TASP1: variants seen among roughly 807,000 people sequenced by gnomAD.
The protein encoded by TASP1 is threonine aspartase 1.
In TASP1, 16 loss-of-function variants were observed where a neutral mutation model predicts 56.6. The ratio of observed to expected loss-of-function variants is 0.28; its 90% CI spans 0.19 to 0.43. TASP1 has a LOEUF of 0.43. TASP1 is among the 20% of genes least tolerant of loss of function. The pLI, the probability that TASP1 is intolerant of heterozygous loss-of-function variation, is 1.00. For missense variants in TASP1, 393 were observed against 511.6 expected, an observed-to-expected ratio of 0.77 and a Z score of 2.24; for synonymous variants, 179 against 184.2, an observed-to-expected ratio of 0.97 and a Z score of 0.23.
At chr20:13,110,289 C>A in the TASP1 span, 7 of 1,250,826 alleles carry the variant, frequency 5.6e-6, no homozygotes, top group Non-Finnish European at 8.0e-6. Context: ...AAAGGCTCAC[C>A]TTTCCTAGCT....
At chr20:13,275,315 T>G in the TASP1 span, among the ~76,000 whole-genome samples, 2 of 152,204 alleles carry the variant, frequency 1.3e-5, no homozygotes, top group South Asian at 2.1e-4. Context: ...GGGTTACAGT[T>G]GTACGTGCTT....
At chr20:13,436,212 C>T (rs1170174943) in intron 11 of TASP1, among the ~76,000 whole-genome samples, 8 of 152,122 alleles carry the variant, frequency 5.3e-5, no homozygotes, top group African/African-American at 1.7e-4. Flanking sequence ...CTTCAAGATC[C>T]TCTGAAGGCA....
At chr20:13,250,186 C>T in the TASP1 span, among the ~76,000 whole-genome samples, 1 of 152,120 alleles carries the variant, frequency 6.6e-6, no homozygotes, top group South Asian at 2.1e-4. Flanking sequence ...AGCCAGGAGG[C>T]TTAGGATTTC....
the TASP1 span, among the ~76,000 whole-genome samples, chr20:13,302,811 C>T: frequency 6.6e-6 from 1 of 152,082 alleles, no homozygotes; most frequent in Admixed American, 6.5e-5. Flanking sequence ...AACAGAGATG[C>T]CCACGGCCCT....
chr20:13,225,076 C>A, the TASP1 span, among the ~76,000 whole-genome samples: 245 of 150,326 alleles, frequency 1.6e-3, 1 homozygote, highest in East Asian at 0.014. Flanking sequence ...GATGGTCTCA[C>A]TCTCCTGACC....
chr20:13,475,609 G>A (rs767453405), intron 11 of TASP1, among the ~76,000 whole-genome samples: 117 of 152,100 alleles, frequency 7.7e-4, no homozygotes, highest in Non-Finnish European at 9.4e-4. Flanking sequence ...TAAAGTCTTT[G>A]GTAGGCCAGG....
intron 11 of TASP1, among the ~76,000 whole-genome samples, chr20:13,437,613 T>C (rs1042719917): frequency 7.2e-5 from 11 of 152,184 alleles, no homozygotes; most frequent in South Asian, 2.1e-4. Context: ...GAAAACCCCA[T>C]TGTCTCAGCC....
chr20:13,224,288 T>G, the TASP1 span, among the ~76,000 whole-genome samples: 96,766 of 152,004 alleles, frequency 0.64, 32,510 homozygotes, highest in African/African-American at 0.85. Context: ...TGACCAAAGT[T>G]ATTTCTTTGG....
chr20:13,218,846 C>G, the TASP1 span, among the ~76,000 whole-genome samples: 1 of 152,186 alleles, frequency 6.6e-6, no homozygotes, highest in Non-Finnish European at 1.5e-5. Flanking sequence ...ATGGGGATCT[C>G]TCAGCGTGAA....
At chr20:13,232,126 A>ATTC in the TASP1 span, among the ~76,000 whole-genome samples, 1 of 152,188 alleles carries the variant, frequency 6.6e-6, no homozygotes, top group Non-Finnish European at 1.5e-5. Flanking sequence ...ACAGGAGGAG[A>ATTC]AGAGTGGCAG....
At chr20:13,456,258 T>A (rs993078767) in intron 11 of TASP1, among the ~76,000 whole-genome samples, 2 of 152,174 alleles carry the variant, frequency 1.3e-5, no homozygotes, top group Middle Eastern at 3.4e-3. Flanking sequence ...TAAATCTGCT[T>A]ATTATGAGAG....
chr20:13,396,036 C>T (rs1236129611), intron 13 of TASP1, among the ~76,000 whole-genome samples: 2 of 152,110 alleles, frequency 1.3e-5, no homozygotes, highest in Non-Finnish European at 2.9e-5. Flanking sequence ...ACGTGATACA[C>T]CTTAAATGAC....
intron 11 of TASP1, among the ~76,000 whole-genome samples, chr20:13,462,916 A>G (rs1008837624): frequency 1.3e-5 from 2 of 152,146 alleles, no homozygotes; most frequent in African/African-American, 2.4e-5. Flanking sequence ...TATGGAGTAC[A>G]ATTAATATTG....
At chr20:13,215,895 A>T in the TASP1 span, among the ~76,000 whole-genome samples, 7,115 of 152,200 alleles carry the variant, frequency 0.047, 541 homozygotes, top group African/African-American at 0.16. Flanking sequence ...CCCTGGGAGC[A>T]CCTCTGATTG....
At chr20:13,429,197 C>T (rs6033703) in intron 12 of TASP1, among the ~76,000 whole-genome samples, 9,635 of 152,246 alleles carry the variant, frequency 0.063, 449 homozygotes, top group African/African-American at 0.13. Flanking sequence ...GGAATGTCAA[C>T]TGCATGGTGC....
chr20:13,601,166 C>G (rs1377807979), intron 4 of TASP1, among the ~76,000 whole-genome samples: 2 of 151,898 alleles, frequency 1.3e-5, no homozygotes, highest in East Asian at 3.9e-4. Flanking sequence ...GTAGTCCCAG[C>G]TATTGAGCGG....
chr20:13,393,056 C>T (rs997564844), intron 13 of TASP1: 10 of 593,390 alleles, frequency 1.7e-5, no homozygotes, highest in Non-Finnish European at 3.1e-5. Context: ...TCTGCTGAGG[C>T]CCCCATGTTT....
intron 13 of TASP1, among the ~76,000 whole-genome samples, chr20:13,394,365 C>T (rs888630670): frequency 2.0e-5 from 3 of 148,346 alleles, no homozygotes; most frequent in Non-Finnish European, 4.4e-5. Flanking sequence ...AATCCCAGCA[C>T]TTTGGGAGGC....
intron 4 of TASP1, among the ~76,000 whole-genome samples, chr20:13,615,117 C>T (rs886999291): frequency 2.6e-5 from 4 of 152,152 alleles, no homozygotes; most frequent in African/African-American, 9.7e-5. Context: ...AAGTCCTCTA[C>T]TAAGCTTTTT....
Sources: allele counts gnomAD v4.1 joint callset (sites outside exome capture counted in the v4.1 genomes callset), GRCh38; gene constraint gnomAD v4.1.1; transcripts MANE v1.5; gene names NCBI Gene and HGNC (gene_info 2026-07-23, HGNC 2026-07-21).